SCN10A: variants seen among roughly 807,000 people sequenced by gnomAD.
SCN10A encodes the protein sodium voltage-gated channel alpha subunit 10.
A neutral mutation model predicts 170.7 loss-of-function variants in SCN10A; 162 were observed. That is an observed-to-expected ratio of 0.95 (90% CI 0.84 to 1.08). The LOEUF (loss-of-function observed/expected upper bound fraction) is 1.08. SCN10A is among the 50% of genes least tolerant of loss of function. The pLI is 0.00. For missense variants in SCN10A, 2,527 were observed against 2,436.9 expected, an observed-to-expected ratio of 1.04 and a Z score of -0.78; for synonymous variants, 985 against 904.6, an observed-to-expected ratio of 1.09 and a Z score of -1.59.
Position 38,710,088 on chromosome 3 carries a change from G to A in SCN10A, c.4144-473C>T, listed in dbSNP as rs546720431. 5.3e-5 allele frequency among the ~76,000 whole-genome samples: 8 copies of A among 152,330 alleles called. No homozygotes were observed. The East Asian group carries it at 1.5e-3, about 29-fold the overall frequency. On this transcript the variant is annotated intron_variant, in intron 24 of 27. Transcript: ENST00000449082. ...AAGTGGGCTAAGGGAAGAGGTGGCA[G>A]GGAATTGACAGTGCCTGCCACAGCA...
At position 38,712,439 on chromosome 3, in the gene SCN10A, C is replaced by T. The variant is rs371258438; in HGVS notation, c.3811G>A (p.Val1271Met). 5.6e-6 allele frequency: 9 copies of T among 1,613,462 alleles called. No homozygotes were observed. The African/African-American group carries it at 9.3e-5, about 17-fold the overall frequency. ...LSRFEGMRVV[V>M]DALVGAIPSI... ...GGGATGGCGCCCACCAGGGCATCCA[C>T]CACCACCTGGTGGGAGATAGAGAAA... Residue 1271 changes from valine to methionine, a missense_variant, in exon 23 of 28, where the codon GTG (valine) becomes ATG (methionine). Val to Met is a conservative substitution (Grantham distance 21, BLOSUM62 1). Transcript: ENST00000449082.
At chr3:38,717,966 AT>A (rs781266351) in intron 21 of SCN10A, among the ~76,000 whole-genome samples, 9 of 152,230 alleles carry the variant, frequency 5.9e-5, no homozygotes, top group Admixed American at 3.3e-4. Context: ...CAATTCTCTA[AT>A]GCAGGGATTA....
At chr3:38,775,210 C>T (rs900064705) in intron 4 of SCN10A, among the ~76,000 whole-genome samples, 2 of 152,036 alleles carry the variant, frequency 1.3e-5, no homozygotes, top group Admixed American at 1.3e-4. Flanking sequence ...TTTTATAATC[C>T]CGAACAGAAA....
Position 38,722,415 on chromosome 3 carries a change from G to A in SCN10A, c.3353-3C>T. 6.2e-7 allele frequency: 1 copy of A among 1,612,728 alleles called. No homozygotes were observed. ...GCAGGGACAGTGGCGAATGCATCCT[G>A]TGGGGAGAGGTGACTGATGGTGGGT... On this transcript the variant is annotated splice_region_variant and splice_polypyrimidine_tract_variant and intron_variant, in intron 19 of 27. Coordinates refer to ENST00000449082, the MANE Select transcript of SCN10A (RefSeq NM_006514.4).
chr3:38,750,972 C>T (rs2063741077), intron 12 of SCN10A, among the ~76,000 whole-genome samples: 1 of 152,152 alleles, frequency 6.6e-6, no homozygotes, highest in South Asian at 2.1e-4. Context: ...TTCCATTTGC[C>T]CTGGAGACCT....
intron 5 of SCN10A, among the ~76,000 whole-genome samples, chr3:38,768,311 A>T (rs2063956167): frequency 1.3e-5 from 2 of 150,792 alleles, no homozygotes; most frequent in African/African-American, 4.9e-5. Context: ...TCCTTTTTTT[A>T]TTGTGTTATT....
chr3:38,703,290 A>T (rs2063176052), intron 26 of SCN10A, among the ~76,000 whole-genome samples: 1 of 152,172 alleles, frequency 6.6e-6, no homozygotes, highest in Non-Finnish European at 1.5e-5. Context: ...GGCAACATTA[A>T]TGTCCATGTG....
At chr3:38,801,780 A>G (rs2064372718) in intron 1 of SCN10A, among the ~76,000 whole-genome samples, 1 of 152,188 alleles carries the variant, frequency 6.6e-6, no homozygotes, top group Non-Finnish European at 1.5e-5. Context: ...ATTAGTAAGC[A>G]AAAGTGTAAG....
intron 1 of SCN10A, among the ~76,000 whole-genome samples, 166 bp downstream of exon 1, chr3:38,815,871 T>A (rs1432049597): frequency 1.3e-5 from 2 of 152,208 alleles, no homozygotes; most frequent in African/African-American, 2.4e-5. Flanking sequence ...AGATTAATAG[T>A]ATTTTTCCAA....
chr3:38,725,482 T>TGAAGTG (rs2063444925), intron 17 of SCN10A, among the ~76,000 whole-genome samples, 168 bp from the exon 18 acceptor site: 1 of 152,256 alleles, frequency 6.6e-6, no homozygotes. Flanking sequence ...ATGAAGACTA[T>TGAAGTG]AGCTAGATAG....
At chr3:38,763,192 G>C (rs2063894575) in intron 6 of SCN10A, among the ~76,000 whole-genome samples, 1 of 152,138 alleles carries the variant, frequency 6.6e-6, no homozygotes, top group Non-Finnish European at 1.5e-5. Flanking sequence ...TTCAACTGAG[G>C]GGTCTTGCCT....
At position 38,752,347 on chromosome 3, in the gene SCN10A, C is replaced by T. The variant is rs1310034820; in HGVS notation, c.1627G>A (p.Ala543Thr). 1.2e-6 allele frequency: 2 copies of T among 1,613,434 alleles called. No individual in the cohort carries two copies. Among genetic ancestry groups the T allele is most frequent in the Non-Finnish European group, 1.7e-6 (2 of 1,179,706 alleles). ...CTAGGGAGGGGGCCTTGCTGGCCAG[C>T]ACCCCCACCCAGCAGCAGAGAGCCC... is the stretch of plus-strand genomic sequence containing the variant. ...HRGSLLLGGG[A>T]GQQGPLPRSP... is the part of the protein sequence containing the mutation. Residue 543 changes from alanine (A) to threonine (T), a missense_variant, in exon 12 of 28, where the codon GCT becomes ACT. Ala to Thr is a moderately conservative substitution (Grantham distance 58, BLOSUM62 0). Coordinates refer to ENST00000449082, the MANE Select transcript of SCN10A (RefSeq NM_006514.4).
At chr3:38,713,203 G>A in intron 22 of SCN10A, among the ~76,000 whole-genome samples, 1 of 152,156 alleles carries the variant, frequency 6.6e-6, no homozygotes, top group East Asian at 1.9e-4. Flanking sequence ...GATAAGGAAA[G>A]GGGTGGATGG....
Position 38,709,623 on chromosome 3 carries a change from C to A in SCN10A, c.4144-8G>T. The A allele has an allele frequency of 6.3e-7, 1 of 1,587,718 alleles. No homozygotes were observed. Among genetic ancestry groups the A allele is most frequent in the Non-Finnish European group, 8.6e-7 (1 of 1,166,866 alleles). On this transcript the variant is annotated splice_region_variant and splice_polypyrimidine_tract_variant and intron_variant, in intron 24 of 27. Coordinates refer to ENST00000449082, the MANE Select transcript of SCN10A (RefSeq NM_006514.4). ...CTTGGGTTGCATGTTGACCTGTGACCAGACAAGGGAGAGTGGGAAGGAGGG... is the reference window on the plus strand; with the variant it reads ...CTTGGGTTGCATGTTGACCTGTGACAAGACAAGGGAGAGTGGGAAGGAGGG...
At chr3:38,746,065 A>G (rs113815422) in intron 13 of SCN10A, among the ~76,000 whole-genome samples, 3,279 of 41,708 alleles carry the variant, frequency 0.079, 152 homozygotes, top group East Asian at 0.33. Context: ...GTGTATGTGT[A>G]TATATATATA....
chr3:38,766,175 G>T (rs550335201), intron 5 of SCN10A, among the ~76,000 whole-genome samples: 83 of 151,918 alleles, frequency 5.5e-4, no homozygotes, highest in Non-Finnish European at 9.0e-4. Context: ...TCATATCATT[G>T]GTGAACAGCA....
intron 16 of SCN10A, 101 bp from the exon 17 acceptor site, chr3:38,727,153 G>A: frequency 2.7e-6 from 3 of 1,104,842 alleles, no homozygotes; most frequent in East Asian, 4.9e-5. Flanking sequence ...CCACGGCCTG[G>A]GCCTCTTCCT....
chr3:38,726,059 G>A (rs759373663), intron 17 of SCN10A, among the ~76,000 whole-genome samples: 6 of 152,180 alleles, frequency 3.9e-5, no homozygotes, highest in Admixed American at 2.6e-4. Flanking sequence ...GTTAGCGAGG[G>A]TTGATATACC....
At chr3:38,736,963 G>GTTCTTTTT (rs2063568428) in intron 15 of SCN10A, among the ~76,000 whole-genome samples, 2 of 46,664 alleles carry the variant, frequency 4.3e-5, no homozygotes, top group Non-Finnish European at 7.2e-5. Flanking sequence ...AGAAATGTTC[G>GTTCTTTTT]TTTTTTTTTT....
Sources: allele counts gnomAD v4.1 joint callset (sites outside exome capture counted in the v4.1 genomes callset), GRCh38; gene constraint gnomAD v4.1.1; transcripts MANE v1.5; gene names NCBI Gene and HGNC (gene_info 2026-07-23, HGNC 2026-07-21).